TNNI3K: variants seen among roughly 807,000 people sequenced by gnomAD.
TNNI3K encodes the protein serine/threonine-protein kinase TNNI3K.
In TNNI3K, 140 loss-of-function variants were observed where a neutral mutation model predicts 114.5. That is an observed-to-expected ratio of 1.22 (90% confidence interval 1.07 to 1.41). The LOEUF (loss-of-function observed/expected upper bound fraction) is 1.41. Ranked by LOEUF, TNNI3K falls within the 40% of genes most tolerant of loss-of-function variation. The pLI is 0.00. For synonymous variants in TNNI3K, 347 were observed against 347.5 expected, an observed-to-expected ratio of 1.00 and a Z score of 0.02; for missense variants, 1,125 against 1,007.6, an observed-to-expected ratio of 1.12 and a Z score of -1.58.
rs1188678934 is a variant in TNNI3K at position 74,544,085 on chromosome 1, G to A, written c.*103G>A. ...CAACTATAACATTTTACTCTCAAAG[G>A]TCTCCTTAAATTGGGCTTGTTTTTA... On this transcript the variant is annotated 3_prime_UTR_variant, in exon 25 of 25. Coordinates refer to ENST00000326637, the MANE Select transcript of TNNI3K (RefSeq NM_015978.3). 2 of 1,300,972 alleles carry A rather than the reference G, an allele frequency of 1.5e-6. No individual in the cohort carries two copies. Among genetic ancestry groups the A allele is most frequent in the South Asian group, 3.0e-5 (2 of 67,098 alleles). 80.6% of individuals were successfully genotyped at this position (1,300,972 alleles called of 1,614,324 possible). A position where few individuals can be genotyped will look rare whatever the true frequency, so the allele number is the denominator to read the frequency against.
At chr1:74,492,033 T>G (rs1669103890) in intron 22 of TNNI3K, 64 bp from the exon 23 acceptor site, 1 of 1,382,488 alleles carries the variant, frequency 7.2e-7, no homozygotes, top group Non-Finnish European at 9.5e-7. Context: ...AATCCATATT[T>G]TATGTTATGT....
At chr1:74,489,152 A>G (rs756478420) in intron 21 of TNNI3K, 37 bp from the exon 22 acceptor site, 3 of 1,584,588 alleles carry the variant, frequency 1.9e-6, no homozygotes, top group Non-Finnish European at 2.6e-6. Flanking sequence ...CCTTCCTTTT[A>G]TTCTTAAGGG....
At chr1:74,314,971 T>C (rs1659228678) in intron 5 of TNNI3K, among the ~76,000 whole-genome samples, 1 of 152,132 alleles carries the variant, frequency 6.6e-6, no homozygotes, top group African/African-American at 2.4e-5. Flanking sequence ...TATTTTATTA[T>C]GAAAAAAATC....
At chr1:74,255,429 C>A (rs1655223802) in intron 4 of TNNI3K, among the ~76,000 whole-genome samples, 1 of 151,556 alleles carries the variant, frequency 6.6e-6, no homozygotes, top group Non-Finnish European at 1.5e-5. Context: ...TTCCTATTTT[C>A]CTAGCCCTCA....
intron 21 of TNNI3K, among the ~76,000 whole-genome samples, chr1:74,485,372 G>A (rs1668702185): frequency 6.6e-6 from 1 of 152,316 alleles, no homozygotes; most frequent in Non-Finnish European, 1.5e-5. Context: ...TACCTGGCCG[G>A]TTAGTCGGCC....
chr1:74,388,504 A>T (rs1663604490), intron 17 of TNNI3K, among the ~76,000 whole-genome samples: 1 of 152,266 alleles, frequency 6.6e-6, no homozygotes, highest in East Asian at 1.9e-4. Flanking sequence ...ACCACAACTA[A>T]TCAGTCTCCC....
In TNNI3K at chr1:74,236,058, C is replaced by T. The variant is rs199725399; in HGVS notation, c.41-44C>T. On this transcript the variant is annotated intron_variant, in intron 1 of 24. Transcript: ENST00000326637. Reference sequence around the variant, plus strand: ...TGTTATGATCTGTGTCTACATTTTGCAAAACACAACTATGAATCAATCTCA... The same window carrying T: ...TGTTATGATCTGTGTCTACATTTTGTAAAACACAACTATGAATCAATCTCA... The T allele has an allele frequency of 1.5e-4, 234 of 1,543,942 alleles. No homozygotes were observed. In the African/African-American group the frequency reaches 3.1e-3, roughly 20 times the overall value.
intron 5 of TNNI3K, among the ~76,000 whole-genome samples, chr1:74,325,007 G>T (rs747478215): frequency 2.7e-4 from 41 of 152,144 alleles, no homozygotes; most frequent in African/African-American, 8.9e-4. Flanking sequence ...CATACCTTCG[G>T]GGAAGAATAA....
chr1:74,249,262 A>C (rs540782063), intron 2 of TNNI3K, among the ~76,000 whole-genome samples, 197 bp from the exon 3 acceptor site: 1 of 151,950 alleles, frequency 6.6e-6, no homozygotes, highest in African/African-American at 2.4e-5. Flanking sequence ...CATCATTACA[A>C]TGTAAAACTA....
Position 74,439,565 on chromosome 1 carries a change from GCT to G in TNNI3K, c.1957_1958del (p.Leu653ValfsTer54), listed in dbSNP as rs1260872330. 1 of 1,613,448 alleles carries G rather than the reference GCT, an allele frequency of 6.2e-7. No individual in the cohort carries two copies. Among genetic ancestry groups the G allele is most frequent in the Non-Finnish European group, 8.5e-7 (1 of 1,179,696 alleles). On this transcript the variant is annotated frameshift_variant, in exon 20 of 25. Coordinates refer to ENST00000326637, the MANE Select transcript of TNNI3K (RefSeq NM_015978.3). LOFTEE classifies it high-confidence loss of function. ...CATCAAAGCAGATGTCTTCAGCTAT[GCT>G]CTGTGTCTGTGGGAAATTCTCACTG... is the stretch of plus-strand genomic sequence containing the variant. ...YTIKADVFSY[A>X]LCLWEILTGE...
intron 5 of TNNI3K, among the ~76,000 whole-genome samples, chr1:74,299,090 G>A (rs1030138943): frequency 2.0e-5 from 3 of 152,074 alleles, no homozygotes; most frequent in South Asian, 4.1e-4. Flanking sequence ...AAGAGACAGA[G>A]TGAGGTTTTG....
chr1:74,480,041 C>G (rs975497680), intron 21 of TNNI3K: 1 of 613,256 alleles, frequency 1.6e-6, no homozygotes, highest in Admixed American at 2.9e-5. Context: ...CTGGCAACCT[C>G]TCCTTTCCAT....
At chr1:74,342,802 A>G in intron 7 of TNNI3K, 40 bp from the exon 8 acceptor site, 2 of 1,610,836 alleles carry the variant, frequency 1.2e-6, no homozygotes, top group Non-Finnish European at 1.7e-6. Flanking sequence ...GAAACAAACA[A>G]TTCTAGATAA....
intron 23 of TNNI3K, among the ~76,000 whole-genome samples, chr1:74,506,999 A>C (rs1418912895): frequency 6.6e-6 from 1 of 152,182 alleles, no homozygotes; most frequent in African/African-American, 2.4e-5. Context: ...CATATCTGTA[A>C]TACCAATTGA....
chr1:74,370,215 C>A, intron 16 of TNNI3K, 73 bp from the exon 17 acceptor site: 1 of 1,335,882 alleles, frequency 7.5e-7, no homozygotes, highest in Admixed American at 2.4e-5. Context: ...AATAACAACT[C>A]TTACACATCA....
chr1:74,533,569 C>A (rs1646620310), intron 23 of TNNI3K, among the ~76,000 whole-genome samples: 1 of 152,120 alleles, frequency 6.6e-6, no homozygotes, highest in Non-Finnish European at 1.5e-5. Context: ...TGGGTATATA[C>A]CCAAAGGACT....
intron 11 of TNNI3K, among the ~76,000 whole-genome samples, chr1:74,354,513 A>G (rs1257057023): frequency 6.6e-6 from 1 of 152,138 alleles, no homozygotes. Flanking sequence ...GGGGGGAAAG[A>G]AATATTTGTC....
At chr1:74,491,549 A>T (rs1018453909) in intron 22 of TNNI3K, among the ~76,000 whole-genome samples, 1 of 152,212 alleles carries the variant, frequency 6.6e-6, no homozygotes. Flanking sequence ...CAAGTCCAAC[A>T]GGTGTTTTAA....
chr1:74,505,474 C>A (rs1485503581), intron 23 of TNNI3K, among the ~76,000 whole-genome samples: 1 of 152,176 alleles, frequency 6.6e-6, no homozygotes, highest in African/African-American at 2.4e-5. Flanking sequence ...GATACAAGAG[C>A]AATGATTTCT....
Sources: gnomAD v4.1 joint callset for allele counts (sites outside exome capture counted in the v4.1 genomes callset) on GRCh38, gnomAD v4.1.1 for gene constraint, MANE v1.5 for transcripts, NCBI Gene and HGNC (gene_info 2026-07-23, HGNC 2026-07-21) for gene names.